Variants in DOCK3 observed in about 807,000 individuals in gnomAD.
The protein encoded by DOCK3 is dedicator of cytokinesis 3, also known as dedicator of cytokinesis protein 3.
A neutral mutation model predicts 265.6 loss-of-function variants in DOCK3; 60 were observed. The ratio of observed to expected loss-of-function variants is 0.23; its 90% CI spans 0.18 to 0.28. The LOEUF (loss-of-function observed/expected upper bound fraction) is 0.28, where lower values mean the gene tolerates loss of function less well. Among genes scored for constraint, DOCK3 ranks in the 10% least tolerant of loss-of-function variants. DOCK3 has a pLI of 1.00. For missense variants in DOCK3, 1,981 were observed against 2,594.3 expected (o/e 0.76, Z 5.14); for synonymous variants, 881 against 938.0 (o/e 0.94, Z 1.11).
At chr3:51,162,511 T>G (rs957505590) in intron 12 of DOCK3, among the ~76,000 whole-genome samples, 1 of 152,214 alleles carries the variant, frequency 6.6e-6, no homozygotes, top group African/African-American at 2.4e-5. Context: ...GGAACCTGCT[T>G]GTTTATATGC....
At chr3:50,746,499 T>C (rs1055226966) in intron 1 of DOCK3, among the ~76,000 whole-genome samples, 2 of 152,202 alleles carry the variant, frequency 1.3e-5, no homozygotes, top group African/African-American at 2.4e-5. Context: ...TCATGACAAT[T>C]TTCTCTGATA....
At chr3:51,234,545 G>T (rs2078273705) in intron 19 of DOCK3, among the ~76,000 whole-genome samples, 1 of 152,068 alleles carries the variant, frequency 6.6e-6, no homozygotes. Context: ...TTTTTAAAAA[G>T]GTATATAGCA....
At chr3:50,963,490 ATTGT>A (rs1035142486) in intron 5 of DOCK3, among the ~76,000 whole-genome samples, 2 of 152,200 alleles carry the variant, frequency 1.3e-5, no homozygotes, top group African/African-American at 2.4e-5. Flanking sequence ...ATGACCAAAT[ATTGT>A]TTATCTGAGA....
chr3:51,128,967 G>T lies in DOCK3; in HGVS notation c.747-17582G>T, dbSNP rs559918426. The stretch of plus-strand genomic sequence containing the variant: ...TTGATTATTAAAATCCTCTACTGAG[G>T]TCACCTGTTGGTGAACATTCACATG... On this transcript the variant is annotated intron_variant, in intron 9 of 52. Transcript: ENST00000266037. 4.9e-4 allele frequency among the ~76,000 whole-genome samples: 75 copies of T among 152,300 alleles called. 1 individual carries two copies. Among genetic ancestry groups the T allele is most frequent in the Non-Finnish European group, 5.7e-4 (39 of 68,022 alleles).
In DOCK3 at chr3:51,310,340, G is replaced by A. The variant is rs1431258692; in HGVS notation, c.3017+14G>A. The A allele has an allele frequency of 3.8e-6, 6 of 1,572,782 alleles. No homozygotes were observed. Among genetic ancestry groups the A allele is most frequent in the African/African-American group, 1.3e-5 (1 of 74,208 alleles). On this transcript the variant is annotated intron_variant, in intron 28 of 52. Coordinates refer to ENST00000266037, the MANE Select transcript of DOCK3 (RefSeq NM_004947.5). ...GCTCACAAGCAAGTAAGTATGGAAG[G>A]GCTCTGTATCAGCATCACTGAGCTG...
At chr3:51,300,786 C>T (rs985061867) in intron 27 of DOCK3, among the ~76,000 whole-genome samples, 1 of 152,152 alleles carries the variant, frequency 6.6e-6, no homozygotes, top group African/African-American at 2.4e-5. Flanking sequence ...ATTTGATGTG[C>T]TGGTGGATTT....
intron 4 of DOCK3, among the ~76,000 whole-genome samples, chr3:50,905,249 T>C (rs1010734589): frequency 9.2e-5 from 14 of 152,134 alleles, no homozygotes; most frequent in African/African-American, 3.1e-4. Context: ...ATGTGGGCCC[T>C]TTTTTGGTTC....
chr3:51,259,336 C>T (rs1370635410), intron 22 of DOCK3, among the ~76,000 whole-genome samples: 2 of 152,122 alleles, frequency 1.3e-5, no homozygotes, highest in Non-Finnish European at 2.9e-5. Flanking sequence ...TTTGTTTCAG[C>T]CTTGCATAAG....
In DOCK3 at chr3:51,353,084, A is replaced by T. The variant is rs551186855; in HGVS notation, c.4108-1798A>T. Reference sequence around the variant, plus strand: ...CTTCTTGAGGGAATTTATATTTCTCATTTGACCCATGAACAGACGTTGATG... The same window carrying T: ...CTTCTTGAGGGAATTTATATTTCTCTTTTGACCCATGAACAGACGTTGATG... On this transcript the variant is annotated intron_variant, in intron 40 of 52. Coordinates refer to ENST00000266037, the MANE Select transcript of DOCK3 (RefSeq NM_004947.5). Among the ~76,000 whole-genome samples, 28 of 152,320 alleles carry T rather than the reference A, an allele frequency of 1.8e-4. 1 individual carries two copies. In the South Asian group the frequency reaches 5.4e-3, roughly 29 times the overall value.
At chr3:50,980,124 A>G (rs1159424026) in intron 5 of DOCK3, among the ~76,000 whole-genome samples, 2 of 152,138 alleles carry the variant, frequency 1.3e-5, no homozygotes, top group East Asian at 1.9e-4. Flanking sequence ...ATTTTGAGAT[A>G]TGTTCCTTCA....
At chr3:51,336,042 A>G (rs2084849039) in intron 35 of DOCK3, among the ~76,000 whole-genome samples, 1 of 151,846 alleles carries the variant, frequency 6.6e-6, no homozygotes, top group Admixed American at 6.6e-5. Flanking sequence ...TGTTGATATG[A>G]CTCAAGGGAA....
intron 1 of DOCK3, among the ~76,000 whole-genome samples, chr3:50,728,165 A>G (rs1184646274): frequency 6.6e-6 from 1 of 152,220 alleles, no homozygotes; most frequent in Non-Finnish European, 1.5e-5. Flanking sequence ...ATATTTGGAA[A>G]TACTTCTAAG....
chr3:50,765,206 C>T (rs559838823), intron 1 of DOCK3, among the ~76,000 whole-genome samples: 28 of 151,056 alleles, frequency 1.9e-4, no homozygotes, highest in South Asian at 4.2e-4. Flanking sequence ...CTCAGCCTCC[C>T]GAATAGCTGG....
At chr3:51,163,686 T>C (rs1433106003) in intron 12 of DOCK3, among the ~76,000 whole-genome samples, 1 of 152,196 alleles carries the variant, frequency 6.6e-6, no homozygotes, top group Admixed American at 6.5e-5. Flanking sequence ...GCTTTGAATA[T>C]GTGATGATCA....
intron 32 of DOCK3, among the ~76,000 whole-genome samples, chr3:51,327,676 C>CTTTTTTT (rs563361812): frequency 1.6e-5 from 2 of 124,210 alleles, no homozygotes; most frequent in Admixed American, 8.2e-5. Context: ...CCATCACCAG[C>CTTTTTTT]TTTTTTTTTT....
intron 4 of DOCK3, among the ~76,000 whole-genome samples, chr3:50,894,728 A>T (rs2048813661): frequency 6.6e-6 from 1 of 152,176 alleles, no homozygotes; most frequent in South Asian, 2.1e-4. Flanking sequence ...TGAGGGAATT[A>T]AAATTGTCAG....
At chr3:50,718,093 C>G (rs1409139526) in intron 1 of DOCK3, among the ~76,000 whole-genome samples, 1 of 152,062 alleles carries the variant, frequency 6.6e-6, no homozygotes, top group African/African-American at 2.4e-5. Context: ...TGCCTCTCAC[C>G]TTCTTTCCTT....
At chr3:51,315,667 G>A (rs1264077325) in intron 32 of DOCK3, among the ~76,000 whole-genome samples, 1 of 152,140 alleles carries the variant, frequency 6.6e-6, no homozygotes, top group Non-Finnish European at 1.5e-5. Flanking sequence ...CTTTATATCT[G>A]TAGCTCCAGG....
chr3:50,870,961 T>C (rs929054905), intron 3 of DOCK3, among the ~76,000 whole-genome samples: 1 of 152,148 alleles, frequency 6.6e-6, no homozygotes, highest in Non-Finnish European at 1.5e-5. Context: ...TTGTACTGCC[T>C]ATCCTGAATA....
Sources: allele counts gnomAD v4.1 joint callset (sites outside exome capture counted in the v4.1 genomes callset), GRCh38; gene constraint gnomAD v4.1.1; transcripts MANE v1.5; gene names NCBI Gene and HGNC (gene_info 2026-07-23, HGNC 2026-07-21).